CADM1: variants seen among roughly 807,000 people sequenced by gnomAD.
CADM1 encodes TSLC-1.
Under a neutral mutation model 53.1 loss-of-function variants are expected in CADM1, and 15 were observed. The observed-to-expected ratio is 0.28, with a 90% confidence interval of 0.19 to 0.44. The LOEUF (loss-of-function observed/expected upper bound fraction) is 0.44. Among genes scored for constraint, CADM1 ranks in the 20% least tolerant of loss-of-function variants. CADM1 has a pLI of 1.00. For synonymous variants in CADM1, 281 were observed against 243.0 expected (o/e 1.16, Z -1.45); for missense variants, 434 against 611.3 (o/e 0.71, Z 3.06).
intron 1 of CADM1, among the ~76,000 whole-genome samples, chr11:115,348,717 T>G (rs1030453886): frequency 6.6e-6 from 1 of 152,166 alleles, no homozygotes; most frequent in Non-Finnish European, 1.5e-5. Flanking sequence ...ATCTTTAATT[T>G]TCTTTAAGAG....
intron 1 of CADM1, among the ~76,000 whole-genome samples, chr11:115,458,508 T>C (rs988130701): frequency 6.8e-6 from 1 of 147,978 alleles, no homozygotes; most frequent in Non-Finnish European, 1.5e-5. Flanking sequence ...TTATTATTAT[T>C]ATTATTATTA....
chr11:115,291,160 C>T (rs1422534672), intron 1 of CADM1, among the ~76,000 whole-genome samples: 2 of 152,080 alleles, frequency 1.3e-5, no homozygotes. Context: ...TGCCCACTGT[C>T]AAGCCTTCCT....
At chr11:115,443,535 G>T (rs1041185980) in intron 1 of CADM1, among the ~76,000 whole-genome samples, 1 of 151,924 alleles carries the variant, frequency 6.6e-6, no homozygotes, top group Non-Finnish European at 1.5e-5. Context: ...AAAATTCAAA[G>T]GCTACCCACT....
In CADM1 at chr11:115,229,217, A is replaced by T; in HGVS notation, c.617T>A (p.Met206Lys). 1.2e-6 allele frequency: 2 copies of T among 1,614,086 alleles called. No homozygotes were observed. Among genetic ancestry groups the T allele is most frequent in the Non-Finnish European group, 1.7e-6 (2 of 1,179,938 alleles). Reference sequence around the variant, plus strand: ...ATCGTCCTCCTTGTGCACCTTCAGCATCAGCTGACTGGTCACAGTGTACAT... The same window carrying T: ...ATCGTCCTCCTTGTGCACCTTCAGCTTCAGCTGACTGGTCACAGTGTACAT... ...SDMYTVTSQL[M>K]LKVHKEDDGV... Residue 206 changes from methionine (M) to lysine (K), a missense_variant, in exon 5 of 12, where the codon ATG becomes AAG. Transcript: ENST00000331581.
intron 7 of CADM1, among the ~76,000 whole-genome samples, chr11:115,214,252 A>G (rs1941082911): frequency 1.3e-5 from 2 of 152,218 alleles, no homozygotes; most frequent in African/African-American, 2.4e-5. Flanking sequence ...TATCATAGTA[A>G]AATACCACTG....
At chr11:115,288,431 A>G (rs1400697996) in intron 1 of CADM1, among the ~76,000 whole-genome samples, 1 of 151,366 alleles carries the variant, frequency 6.6e-6, no homozygotes, top group Non-Finnish European at 1.5e-5. Flanking sequence ...TTCGGGATTT[A>G]AAAAAATACA....
intron 1 of CADM1, among the ~76,000 whole-genome samples, chr11:115,502,186 C>T (rs765682765): frequency 7.9e-5 from 12 of 152,146 alleles, no homozygotes; most frequent in Non-Finnish European, 1.6e-4. Context: ...AGTACCGTTG[C>T]TACTACCCGG....
At chr11:115,310,238 A>T (rs1161319304) in intron 1 of CADM1, among the ~76,000 whole-genome samples, 1 of 152,180 alleles carries the variant, frequency 6.6e-6, no homozygotes, top group African/African-American at 2.4e-5. Context: ...GGAAATGTCC[A>T]ATTTATCTGG....
intron 1 of CADM1, among the ~76,000 whole-genome samples, chr11:115,450,047 C>T (rs1002886380): frequency 9.9e-5 from 15 of 151,676 alleles, no homozygotes; most frequent in Admixed American, 3.3e-4. Context: ...CTGCTAAAAA[C>T]GCTGAATGGA....
chr11:115,305,545 G>A (rs888842413), intron 1 of CADM1, among the ~76,000 whole-genome samples: 14 of 151,892 alleles, frequency 9.2e-5, no homozygotes, highest in Non-Finnish European at 2.1e-4. Context: ...GAGAGCCACA[G>A]CACAATGAGA....
chr11:115,220,219 T>C (rs1411429863), intron 5 of CADM1, among the ~76,000 whole-genome samples: 3 of 152,082 alleles, frequency 2.0e-5, no homozygotes, highest in Admixed American at 6.6e-5. Context: ...TTTTTCAGCA[T>C]AGTGCACTAA....
intron 1 of CADM1, among the ~76,000 whole-genome samples, chr11:115,257,253 C>A (rs948961370): frequency 6.6e-6 from 1 of 152,072 alleles, no homozygotes; most frequent in African/African-American, 2.4e-5. Flanking sequence ...TGACTGCCAG[C>A]ACCAGGGACT....
intron 10 of CADM1, among the ~76,000 whole-genome samples, chr11:115,183,758 A>G (rs1343782931): frequency 1.3e-5 from 2 of 152,106 alleles, no homozygotes; most frequent in Admixed American, 6.5e-5. Context: ...TGGCGCTTAA[A>G]CGCACACTTT....
intron 1 of CADM1, among the ~76,000 whole-genome samples, chr11:115,265,130 C>T (rs1050020833): frequency 3.3e-5 from 5 of 152,202 alleles, no homozygotes; most frequent in Non-Finnish European, 7.3e-5. Context: ...ATGCCCCTCC[C>T]CTTCTTGAAT....
chr11:115,479,223 G>A (rs1002112908), intron 1 of CADM1, among the ~76,000 whole-genome samples: 1 of 152,014 alleles, frequency 6.6e-6, no homozygotes, highest in Non-Finnish European at 1.5e-5. Context: ...TAGGAATTAA[G>A]TCAAAATGTA....
At position 115,170,274 on chromosome 11, in the gene CADM1, AG is replaced by A. The variant is rs1565273852; in HGVS notation, c.*6199del. 6.6e-6 allele frequency: 1 copy of A among 152,590 alleles called. No homozygotes were observed. The highest frequency in any genetic ancestry group is 2.4e-5 in the African/African-American group (1 of 41,404). 9.5% of individuals were successfully genotyped at this position (152,590 alleles called of 1,614,324 possible). A position where few individuals can be genotyped will look rare whatever the true frequency, so the allele number is the denominator to read the frequency against. On this transcript the variant is annotated 3_prime_UTR_variant, in exon 12 of 12. Transcript: ENST00000331581. ...CAGATCAACACTTCGAAGGATTAGG[AG>A]GGAGTAAAATGGGAGGCGCAGGTAG...
intron 8 of CADM1, among the ~76,000 whole-genome samples, chr11:115,203,574 A>T (rs935008022): frequency 3.3e-5 from 5 of 152,218 alleles, no homozygotes; most frequent in African/African-American, 1.2e-4. Flanking sequence ...CTGTATTCAC[A>T]GTATTATTTG....
At chr11:115,209,731 G>A in intron 7 of CADM1, 74 bp from the exon 8 acceptor site, 1 of 1,561,332 alleles carries the variant, frequency 6.4e-7, no homozygotes, top group East Asian at 2.2e-5. Context: ...CAAAACAAAG[G>A]CATGAGGACA....
intron 1 of CADM1, among the ~76,000 whole-genome samples, chr11:115,273,914 T>G (rs1023737459): frequency 6.6e-6 from 1 of 152,196 alleles, no homozygotes; most frequent in Non-Finnish European, 1.5e-5. Flanking sequence ...ACACTGACAT[T>G]ACATACTAGA....
Sources: allele counts gnomAD v4.1 joint callset (sites outside exome capture counted in the v4.1 genomes callset), GRCh38; gene constraint gnomAD v4.1.1; transcripts MANE v1.5; gene names NCBI Gene and HGNC (gene_info 2026-07-23, HGNC 2026-07-21).